The following SELENOT variants were observed in gnomAD, a reference collection of about 807,000 sequenced individuals.
SELENOT encodes selenoprotein T.
SELENOT carries 9 observed loss-of-function variants against 24.3 expected under a neutral mutation model. That is an observed-to-expected ratio of 0.37 (90% confidence interval 0.22 to 0.65). The LOEUF is 0.65. Ranked by LOEUF, SELENOT falls within the 30% of genes least tolerant of loss-of-function variation. The probability of loss-of-function intolerance (pLI) is 0.60; values close to 1 mark genes in which losing one functional copy is unlikely to be tolerated. For synonymous variants in SELENOT, 81 were observed against 86.0 expected (o/e 0.94, Z 0.32); for missense variants, 166 against 247.6 (o/e 0.67, Z 2.21).
chr3:150,614,411 G>GT (rs878859579), intron 1 of SELENOT, among the ~76,000 whole-genome samples: 334 of 144,296 alleles, frequency 2.3e-3, no homozygotes, highest in African/African-American at 4.9e-3. Flanking sequence ...ATGGAGGTGG[G>GT]TTTTTTTTTT....
intron 1 of SELENOT, among the ~76,000 whole-genome samples, chr3:150,617,063 G>A (rs1726234838): frequency 6.6e-6 from 1 of 152,206 alleles, no homozygotes; most frequent in Admixed American, 6.5e-5. Flanking sequence ...TAGTTGAAAG[G>A]CAGCTATGGG....
chr3:150,611,465 A>T, intron 1 of SELENOT: 1 of 1,187,380 alleles, frequency 8.4e-7, no homozygotes, highest in South Asian at 1.2e-5. Context: ...TTTACTTGTA[A>T]TTGGTATAAA....
At chr3:150,619,213 TCC>T (rs1474289102) in intron 1 of SELENOT, among the ~76,000 whole-genome samples, 33 of 108,614 alleles carry the variant, frequency 3.0e-4, no homozygotes, top group Middle Eastern at 0.013. Context: ...AGAGCGAGAC[TCC>T]GTCTCAAAAA....
rs559810919 is a variant in SELENOT, at chr3:150,624,674, GT to G, written c.376-135del. On this transcript the variant is annotated intron_variant, in intron 3 of 5. Transcript: ENST00000471696. ...TGTATGGAGCTGCAAATTAATATTG[GT>G]TTACTTTTGCTCTATGTATGTTATC... 99 of 472,130 alleles carry G rather than the reference GT, an allele frequency of 2.1e-4. 1 individual carries two copies. The highest frequency in any genetic ancestry group is 1.6e-3 in the East Asian group (46 of 27,982). 29.2% of individuals were successfully genotyped at this position (472,130 alleles called of 1,614,324 possible).
intron 1 of SELENOT, among the ~76,000 whole-genome samples, chr3:150,620,548 T>C (rs1576533640): frequency 6.6e-6 from 1 of 152,316 alleles, no homozygotes; most frequent in Non-Finnish European, 1.5e-5. Flanking sequence ...AAATAGGCGT[T>C]CAGTAAATAT....
At chr3:150,619,836 CAG>C (rs1726300085) in intron 1 of SELENOT, among the ~76,000 whole-genome samples, 1 of 152,110 alleles carries the variant, frequency 6.6e-6, no homozygotes, top group African/African-American at 2.4e-5. Flanking sequence ...TGCTTCACAA[CAG>C]AAAAATTATT....
chr3:150,607,189 A>C (rs925780118), intron 1 of SELENOT, among the ~76,000 whole-genome samples: 1 of 152,240 alleles, frequency 6.6e-6, no homozygotes, highest in Non-Finnish European at 1.5e-5. Flanking sequence ...TTAGTTTGAG[A>C]ATCTACTGCT....
intron 1 of SELENOT, among the ~76,000 whole-genome samples, chr3:150,614,260 G>C (rs181222937): frequency 6.6e-6 from 1 of 152,316 alleles, no homozygotes; most frequent in Admixed American, 6.5e-5. Context: ...GATGACTAGT[G>C]AGAGGAAGCT....
intron 1 of SELENOT, chr3:150,611,756 C>G: frequency 7.2e-7 from 1 of 1,383,920 alleles, no homozygotes; most frequent in Non-Finnish European, 1.0e-6. Flanking sequence ...CCCCAGGGGC[C>G]CAGCCGCTGA....
At chr3:150,613,959 G>A (rs1312570007) in intron 1 of SELENOT, among the ~76,000 whole-genome samples, 2 of 134,920 alleles carry the variant, frequency 1.5e-5, no homozygotes, top group African/African-American at 2.5e-5. Context: ...ACAGGAGAAA[G>A]CACATGCAGG....
rs763058154 is a variant in SELENOT, at chr3:150,627,069, C to A, written c.523C>A (p.Gln175Lys). 1 of 1,613,534 alleles carries A rather than the reference C, an allele frequency of 6.2e-7. No homozygotes were observed. The highest frequency in any genetic ancestry group is 1.7e-5 in the Admixed American group (1 of 59,998). Residue 175 changes from glutamine to lysine, a missense_variant, in exon 5 of 6, where the codon CAA becomes AAA. Gln to Lys is a moderately conservative substitution (Grantham distance 53). This residue lies in a region of SELENOT where 44 missense variants were observed against 72.2 expected (regional missense o/e 0.61). Coordinates refer to ENST00000471696, the MANE Select transcript of SELENOT (RefSeq NM_016275.5). ...CCTTCCATCCATGCAACAACTTGTTCAAATTCTTGACAATGAAATGAAGCT... is the reference window on the plus strand; with the variant it reads ...CCTTCCATCCATGCAACAACTTGTTAAAATTCTTGACAATGAAATGAAGCT... ...GHLPSMQQLVQILDNEMKLNV... is the reference protein window; with the variant it reads ...GHLPSMQQLVKILDNEMKLNV...
At chr3:150,622,956 A>G in intron 2 of SELENOT, 87 bp from the exon 3 acceptor site, 1 of 1,239,010 alleles carries the variant, frequency 8.1e-7, no homozygotes, top group Non-Finnish European at 1.1e-6. Flanking sequence ...GGTGTCTAGA[A>G]AATCTTTACA....
rs1028818168 is a variant in SELENOT at position 150,629,795 on chromosome 3, A to G, written c.*2166A>G. ...AATGAGTGGGAAGAATGAATATAAA[A>G]GTAATAATATAAGGAAAAAGGGAAA... is the stretch of plus-strand genomic sequence containing the variant. On this transcript the variant is annotated 3_prime_UTR_variant, in exon 6 of 6. Coordinates refer to ENST00000471696, the MANE Select transcript of SELENOT (RefSeq NM_016275.5). The G allele has an allele frequency of 3.3e-5, 5 of 152,702 alleles. No individual in the cohort carries two copies. Among genetic ancestry groups the G allele is most frequent in the African/African-American group, 1.2e-4 (5 of 41,474 alleles). The allele number at this position is 152,702 out of a possible 1,614,324, so 9.5% of individuals were successfully genotyped here. A position where few individuals can be genotyped will look rare whatever the true frequency, so the allele number is the denominator to read the frequency against.
chr3:150,605,436 T>A (rs532163068), intron 1 of SELENOT, among the ~76,000 whole-genome samples: 3 of 152,308 alleles, frequency 2.0e-5, no homozygotes, highest in African/African-American at 7.2e-5. Flanking sequence ...ATTCAGTCCT[T>A]CAAATTAAAC....
chr3:150,604,453 C>T (rs6802114), intron 1 of SELENOT, among the ~76,000 whole-genome samples: 21,799 of 152,008 alleles, frequency 0.14, 1,676 homozygotes, highest in Non-Finnish European at 0.17. Flanking sequence ...CAGGATAAAC[C>T]GACCATCCCA....
At chr3:150,622,607 T>C in intron 2 of SELENOT, 112 bp downstream of exon 2, 2 of 465,000 alleles carry the variant, frequency 4.3e-6, no homozygotes, top group Non-Finnish European at 7.6e-6. Flanking sequence ...TTGGTTATAA[T>C]AATATACAGA....
intron 1 of SELENOT, chr3:150,611,724 GCCAGGAGCCCGGCCTGGCCGCCC>G: frequency 1.3e-6 from 2 of 1,575,188 alleles, no homozygotes; most frequent in Non-Finnish European, 1.7e-6. Flanking sequence ...CAGCACAGTT[GCCAGGAGCCCGGCCTGGCCGCCC>G]CCAGGGGCCC....
chr3:150,624,183 C>T (rs972954082), intron 3 of SELENOT, among the ~76,000 whole-genome samples: 2 of 152,146 alleles, frequency 1.3e-5, no homozygotes, highest in African/African-American at 4.8e-5. Context: ...CCCCACCTAG[C>T]TCCTGTGGGG....
chr3:150,613,317 A>T (rs1559896194), intron 1 of SELENOT, among the ~76,000 whole-genome samples: 1 of 152,222 alleles, frequency 6.6e-6, no homozygotes. Flanking sequence ...ACAGTGTTGC[A>T]TTAGGATTAT....
Sources: allele counts gnomAD v4.1 joint callset (sites outside exome capture counted in the v4.1 genomes callset), GRCh38; gene constraint gnomAD v4.1.1; regional missense constraint gnomAD v4.1.1; transcripts MANE v1.5; gene names NCBI Gene and HGNC (gene_info 2026-07-23, HGNC 2026-07-21).